Variants in TXLNG observed in about 807,000 individuals in gnomAD.
TXLNG encodes taxilin gamma, also known as gamma-taxilin.
Under a neutral mutation model 38.8 loss-of-function variants are expected in TXLNG, and 5 were observed. That is an observed-to-expected ratio of 0.13 (90% confidence interval 0.07 to 0.27). The LOEUF (loss-of-function observed/expected upper bound fraction) is 0.27, where lower values mean the gene tolerates loss of function less well. TXLNG is among the 10% of genes least tolerant of loss of function. The pLI is 1.00. For synonymous variants in TXLNG, 182 were observed against 158.2 expected, an observed-to-expected ratio of 1.15 and a Z score of -1.13; for missense variants, 393 against 398.2, an observed-to-expected ratio of 0.99 and a Z score of 0.11.
intron 5 of TXLNG, among the ~76,000 whole-genome samples, chrX:16,830,447 G>A (rs1929351224): frequency 9.6e-6 from 1 of 104,336 alleles, no homozygotes; most frequent in Non-Finnish European, 2.0e-5. Context: ...GTACTAACCT[G>A]GTTTTTCAAG....
At chrX:16,789,819 G>A (rs965671520) in intron 1 of TXLNG, among the ~76,000 whole-genome samples, 4 of 107,903 alleles carry the variant, frequency 3.7e-5, no homozygotes, top group South Asian at 8.3e-4. Context: ...TTTGAGATGG[G>A]GTTTCGCTCT....
chrX:16,802,493 C>G (rs1029826814), intron 1 of TXLNG, among the ~76,000 whole-genome samples: 1 of 110,065 alleles, frequency 9.1e-6, no homozygotes, highest in Non-Finnish European at 1.9e-5. Flanking sequence ...TCAGGTGATC[C>G]GTCCACCTCA....
chrX:16,803,622 C>T (rs1344633032), intron 1 of TXLNG, among the ~76,000 whole-genome samples: 6 of 101,475 alleles, frequency 5.9e-5, no homozygotes, highest in African/African-American at 1.8e-4. Context: ...GGATTACAGG[C>T]GTGAACCACT....
rs199561731 is a variant in TXLNG at position 16,841,795 on chromosome X, T to C, written c.*29T>C. 5.2e-6 allele frequency: 6 copies of C among 1,160,317 alleles called. No individual in the cohort carries two copies. The South Asian group carries it at 9.9e-5, about 19-fold the overall frequency. On this transcript the variant is annotated 3_prime_UTR_variant, in exon 10 of 10. Coordinates refer to ENST00000380122, the MANE Select transcript of TXLNG (RefSeq NM_018360.3). ...GAGGTGTGATCACTGTATTGAGAGATATATTTTGTGTATAACTTTCTCTGT... is the reference window on the plus strand; with the variant it reads ...GAGGTGTGATCACTGTATTGAGAGACATATTTTGTGTATAACTTTCTCTGT...
At chrX:16,834,399 C>T (rs1476632726) in intron 7 of TXLNG, 42 bp downstream of exon 7, 3 of 1,108,326 alleles carry the variant, frequency 2.7e-6, no homozygotes, top group Middle Eastern at 2.5e-4. Context: ...TAAGAAAAAT[C>T]TGTGGTTCCT....
chrX:16,794,736 C>T (rs771446168), intron 1 of TXLNG, among the ~76,000 whole-genome samples: 12 of 111,577 alleles, frequency 1.1e-4, no homozygotes, highest in Admixed American at 1.9e-4. Context: ...GACCATTTTA[C>T]ATCTAAGAGT....
In TXLNG at chrX:16,841,411, CCT is replaced by C. The variant is rs764879089; in HGVS notation, c.1249-14_1249-13del. 8.5e-6 allele frequency: 10 copies of C among 1,169,591 alleles called. No individual in the cohort carries two copies. Among genetic ancestry groups the C allele is most frequent in the South Asian group, 1.9e-5 (1 of 51,652 alleles). On this transcript the variant is annotated splice_polypyrimidine_tract_variant and intron_variant, in intron 9 of 9. Coordinates refer to ENST00000380122, the MANE Select transcript of TXLNG (RefSeq NM_018360.3). ...TGATATTTAACAGGGTTACAGAAAT[CCT>C]CTTTTTTCTTACAGAAAACAGTCCG...
chrX:16,827,144 G>A (rs1009042633), intron 3 of TXLNG, among the ~76,000 whole-genome samples: 3 of 111,060 alleles, frequency 2.7e-5, no homozygotes, highest in Non-Finnish European at 5.7e-5. Context: ...CAGGAGAATC[G>A]CTTGAACCCG....
At chrX:16,794,536 ACTT>A (rs57158656) in intron 1 of TXLNG, among the ~76,000 whole-genome samples, 51,978 of 109,950 alleles carry the variant, frequency 0.47, 9,685 homozygotes, top group Middle Eastern at 0.59. Context: ...ACTCTCTTTA[ACTT>A]CTTGTAAATA....
chrX:16,823,234 G>A (rs1267879511), intron 3 of TXLNG, among the ~76,000 whole-genome samples: 4 of 110,034 alleles, frequency 3.6e-5, no homozygotes, highest in Admixed American at 1.9e-4. Flanking sequence ...TGAGGCAGGC[G>A]GATCACCTGA....
intron 3 of TXLNG, among the ~76,000 whole-genome samples, chrX:16,822,298 G>A (rs1021521505): frequency 7.3e-5 from 8 of 109,309 alleles, no homozygotes; most frequent in Non-Finnish European, 1.5e-4. Flanking sequence ...CTGAGATTGC[G>A]CCACTGCACT....
At chrX:16,806,954 C>T (rs1429407207) in intron 1 of TXLNG, among the ~76,000 whole-genome samples, 1 of 103,981 alleles carries the variant, frequency 9.6e-6, no homozygotes, top group Non-Finnish European at 2.0e-5. Flanking sequence ...CGTGGTGGCA[C>T]ACGCCTGTAG....
intron 3 of TXLNG, among the ~76,000 whole-genome samples, chrX:16,824,359 G>A (rs773200296): frequency 1.6e-3 from 173 of 111,055 alleles, no homozygotes; most frequent in African/African-American, 5.4e-3. Flanking sequence ...AAAAAAAAAA[G>A]TTATCCTTTT....
intron 3 of TXLNG, among the ~76,000 whole-genome samples, chrX:16,826,845 T>G (rs1242136027): frequency 9.1e-6 from 1 of 109,475 alleles, no homozygotes; most frequent in Non-Finnish European, 1.9e-5. Flanking sequence ...GGCAGGAGAA[T>G]CGCTTTAACT....
Position 16,829,579 on chromosome X carries a change from G to A in TXLNG, c.673G>A (p.Glu225Lys). Reference sequence around the variant, plus strand: ...AAAAATTATTTTGGGTAATAAGGAGGAAAATATGCAGCAGGCACGAGAGGA... The same window carrying A: ...AAAAATTATTTTGGGTAATAAGGAGAAAAATATGCAGCAGGCACGAGAGGA... ...LQRHNKTLKE[E>K]NMQQAREEEE... The change falls in exon 5 of 10, where the codon GAA becomes AAA. Residue 225 changes from glutamate (E) to lysine (K), a missense_variant. Physicochemically the swap from Glu to Lys is moderately conservative, Grantham distance 56. Coordinates refer to ENST00000380122, the MANE Select transcript of TXLNG (RefSeq NM_018360.3). 1 of 1,209,705 alleles carries A rather than the reference G, an allele frequency of 8.3e-7. No individual in the cohort carries two copies. The highest frequency in any genetic ancestry group is 1.1e-6 in the Non-Finnish European group (1 of 894,480).
chrX:16,791,346 T>G (rs187169411), intron 1 of TXLNG, among the ~76,000 whole-genome samples: 1 of 95,378 alleles, frequency 1.0e-5, no homozygotes, highest in African/African-American at 3.7e-5. Flanking sequence ...CTTCCACTCT[T>G]CTGGTACAGA....
intron 3 of TXLNG, among the ~76,000 whole-genome samples, chrX:16,822,835 T>G (rs929051834): frequency 1.8e-5 from 2 of 111,998 alleles, no homozygotes; most frequent in African/African-American, 6.5e-5. Flanking sequence ...ATGCACATTC[T>G]GATTCACTAG....
rs1190389042 is a variant in TXLNG at position 16,837,673 on chromosome X, G to C, written c.1140G>C (p.Gln380His). The C allele has an allele frequency of 8.4e-7, 1 of 1,192,061 alleles. No homozygotes were observed. Among genetic ancestry groups the C allele is most frequent in the Non-Finnish European group, 1.1e-6 (1 of 882,844 alleles). ...KSNELFTTFR[Q>H]EMEKMTKKIK... ...ATGAACTGTTTACAACCTTCAGACAGGAAATGGAAAAGGTATTTACATATT... is the reference window on the plus strand; with the variant it reads ...ATGAACTGTTTACAACCTTCAGACACGAAATGGAAAAGGTATTTACATATT... Residue 380 changes from glutamine (Q) to histidine (H), a missense_variant, in exon 8 of 10, where the codon CAG becomes CAC. Coordinates refer to ENST00000380122, the MANE Select transcript of TXLNG (RefSeq NM_018360.3).
chrX:16,831,261 T>C (rs1461023939), intron 5 of TXLNG, among the ~76,000 whole-genome samples: 1 of 112,178 alleles, frequency 8.9e-6, no homozygotes, highest in Non-Finnish European at 1.9e-5. Flanking sequence ...GGCGAAAGCC[T>C]GTCTCTACAA....
Sources: gnomAD v4.1 joint callset for allele counts (sites outside exome capture counted in the v4.1 genomes callset) on GRCh38, gnomAD v4.1.1 for gene constraint, MANE v1.5 for transcripts, NCBI Gene and HGNC (gene_info 2026-07-23, HGNC 2026-07-21) for gene names.